The following MCPH1 variants were observed in gnomAD, a reference collection of about 807,000 sequenced individuals.
MCPH1 encodes microcephalin 1.
Under a neutral mutation model 84.5 loss-of-function variants are expected in MCPH1, and 104 were observed. The observed-to-expected ratio is 1.23, with a 90% CI of 1.05 to 1.45. The LOEUF (loss-of-function observed/expected upper bound fraction) is 1.45, where lower values mean the gene tolerates loss of function less well. Ranked by LOEUF, MCPH1 falls within the 40% of genes most tolerant of loss-of-function variation. The pLI, the probability that MCPH1 is intolerant of heterozygous loss-of-function variation, is 0.00. For missense variants in MCPH1, 1,498 were observed against 1,005.7 expected, an observed-to-expected ratio of 1.49 and a Z score of -6.62; for synonymous variants, 514 against 366.8, an observed-to-expected ratio of 1.40 and a Z score of -4.58.
Position 6,646,503 on chromosome 8 carries a change from T to C in MCPH1, c.*3454T>C, listed in dbSNP as rs1224141388. On this transcript the variant is annotated 3_prime_UTR_variant, in exon 14 of 14. Coordinates refer to ENST00000344683, the MANE Select transcript of MCPH1 (RefSeq NM_024596.5). ...ACAAAGGTGACGAGGCAAGTCAGTATAGCAGCATATTCTTTTCAACAAATG... is the reference window on the plus strand; with the variant it reads ...ACAAAGGTGACGAGGCAAGTCAGTACAGCAGCATATTCTTTTCAACAAATG... The C allele has an allele frequency of 6.6e-6, 1 of 152,244 alleles. No homozygotes were observed. The highest frequency in any genetic ancestry group is 1.9e-4 in the East Asian group (1 of 5,204). 9.4% of individuals were successfully genotyped at this position (152,244 alleles called of 1,614,324 possible).
chr8:6,608,425 C>T (rs142439274), intron 12 of MCPH1, among the ~76,000 whole-genome samples: 2 of 152,348 alleles, frequency 1.3e-5, no homozygotes, highest in Non-Finnish European at 2.9e-5. Flanking sequence ...AGACTTGACA[C>T]TGCATTTGCT....
At chr8:6,414,310 G>A (rs1003525117) in intron 2 of MCPH1, among the ~76,000 whole-genome samples, 1 of 152,186 alleles carries the variant, frequency 6.6e-6, no homozygotes, top group Non-Finnish European at 1.5e-5. Flanking sequence ...GCCCAGCCAT[G>A]GATACAGTAT....
At chr8:6,631,587 G>C (rs1432857297) in intron 13 of MCPH1, among the ~76,000 whole-genome samples, 1 of 151,478 alleles carries the variant, frequency 6.6e-6, no homozygotes, top group African/African-American at 2.4e-5. Context: ...TAATCATTAG[G>C]AAGATGCAAA....
At chr8:6,528,553 G>A (rs924455277) in intron 12 of MCPH1, among the ~76,000 whole-genome samples, 2 of 152,194 alleles carry the variant, frequency 1.3e-5, no homozygotes, top group South Asian at 2.1e-4. Flanking sequence ...AATCGAAGCC[G>A]TATAGCGTGA....
chr8:6,484,351 T>C (rs537584121), intron 11 of MCPH1, among the ~76,000 whole-genome samples: 11 of 151,962 alleles, frequency 7.2e-5, no homozygotes, highest in African/African-American at 2.7e-4. Flanking sequence ...TGAGATCCAC[T>C]ACATATCCAT....
At chr8:6,637,374 G>A (rs1416881637) in intron 13 of MCPH1, among the ~76,000 whole-genome samples, 1 of 152,136 alleles carries the variant, frequency 6.6e-6, no homozygotes, top group Non-Finnish European at 1.5e-5. Context: ...AGAGAAGGAT[G>A]GACTCTTGTA....
intron 13 of MCPH1, among the ~76,000 whole-genome samples, chr8:6,635,928 C>T (rs1275333343): frequency 6.6e-6 from 1 of 152,230 alleles, no homozygotes; most frequent in Non-Finnish European, 1.5e-5. Context: ...CCACTGGCTG[C>T]TTAGCTCCCC....
At chr8:6,576,690 T>A (rs1170329883) in intron 12 of MCPH1, among the ~76,000 whole-genome samples, 4 of 36,744 alleles carry the variant, frequency 1.1e-4, no homozygotes, top group African/African-American at 8.7e-4. Flanking sequence ...GTATTTTTTT[T>A]TTTTTTTTTT....
intron 3 of MCPH1, among the ~76,000 whole-genome samples, chr8:6,418,203 G>C (rs1799597947): frequency 6.6e-6 from 1 of 152,080 alleles, no homozygotes; most frequent in Admixed American, 6.6e-5. Flanking sequence ...TCTTCAGCGA[G>C]AAAGGAGGCC....
chr8:6,469,815 A>G (rs1807475654), intron 9 of MCPH1, among the ~76,000 whole-genome samples: 2 of 152,314 alleles, frequency 1.3e-5, no homozygotes, highest in Admixed American at 6.5e-5. Flanking sequence ...ATAATCATGC[A>G]TTCAATACTC....
At chr8:6,476,519 C>G (rs1808481045) in intron 9 of MCPH1, among the ~76,000 whole-genome samples, 1 of 151,810 alleles carries the variant, frequency 6.6e-6, no homozygotes, top group South Asian at 2.1e-4. Context: ...TGTGTACTTC[C>G]TGATGGCATG....
At chr8:6,520,845 G>A (rs1817191167) in intron 12 of MCPH1, among the ~76,000 whole-genome samples, 1 of 152,196 alleles carries the variant, frequency 6.6e-6, no homozygotes, top group Non-Finnish European at 1.5e-5. Flanking sequence ...CCATGGGTCT[G>A]ATATTATTTT....
chr8:6,470,570 C>A (rs891535621), intron 9 of MCPH1, among the ~76,000 whole-genome samples: 2 of 152,346 alleles, frequency 1.3e-5, no homozygotes, highest in East Asian at 1.9e-4. Flanking sequence ...CAGATGTGAG[C>A]CACCATGCCA....
intron 12 of MCPH1, among the ~76,000 whole-genome samples, chr8:6,566,339 G>A (rs1396685502): frequency 6.6e-6 from 1 of 152,120 alleles, no homozygotes; most frequent in Non-Finnish European, 1.5e-5. Context: ...TGTGGTGACC[G>A]TGTGTGGTTG....
chr8:6,422,899 A>G (rs1333521775), intron 3 of MCPH1, among the ~76,000 whole-genome samples: 1 of 151,874 alleles, frequency 6.6e-6, no homozygotes, highest in East Asian at 2.0e-4. Flanking sequence ...TGTGTTAGCC[A>G]GGATGGTCTC....
At position 6,475,753 on chromosome 8, in the gene MCPH1, G is replaced by A. The variant is rs530559540; in HGVS notation, c.1936-1841G>A. On this transcript the variant is annotated intron_variant, in intron 9 of 13. Coordinates refer to ENST00000344683, the MANE Select transcript of MCPH1 (RefSeq NM_024596.5). ...CATTGTCCAAGCAGGTTTCCTGCAGGGAGTTTTAGTTGGTGAGTTTAAAAC... is the reference window on the plus strand; with the variant it reads ...CATTGTCCAAGCAGGTTTCCTGCAGAGAGTTTTAGTTGGTGAGTTTAAAAC... Among the ~76,000 whole-genome samples, 11 of 152,238 alleles carry A rather than the reference G, an allele frequency of 7.2e-5. No homozygotes were observed. The South Asian group carries it at 2.3e-3, about 32-fold the overall frequency.
Position 6,630,589 on chromosome 8 carries a change from C to G in MCPH1, c.2452+8898C>G, listed in dbSNP as rs142482121. On this transcript the variant is annotated intron_variant, in intron 13 of 13. Coordinates refer to ENST00000344683, the MANE Select transcript of MCPH1 (RefSeq NM_024596.5). ...TTGAGGTCAGGAACTAGAGACCAGC[C>G]TGACCAACACGGTGAAACCCTGTCT... Among the ~76,000 whole-genome samples the G allele has an allele frequency of 5.5e-3, 836 of 152,146 alleles. 7 individuals carry two copies. The highest frequency in any genetic ancestry group is 0.018 in the African/African-American group (745 of 41,512).
At chr8:6,473,850 T>C in intron 9 of MCPH1, 1 of 1,453,900 alleles carries the variant, frequency 6.9e-7, no homozygotes, top group South Asian at 1.5e-5. Flanking sequence ...AGTCAAGAGT[T>C]ATAATCTTTG....
At chr8:6,594,676 CCTGCAGGGGACTGCAGGGGA>C (rs11279825) in intron 12 of MCPH1, among the ~76,000 whole-genome samples, 31,342 of 150,750 alleles carry the variant, frequency 0.21, 3,457 homozygotes, top group Non-Finnish European at 0.25. Context: ...TCAGTGTTCT[CCTGCAGGGGACTGCAGGGGA>C]CTGCAGGGGA....
Sources: gnomAD v4.1 joint callset for allele counts (sites outside exome capture counted in the v4.1 genomes callset) on GRCh38, gnomAD v4.1.1 for gene constraint, MANE v1.5 for transcripts, NCBI Gene and HGNC (gene_info 2026-07-23, HGNC 2026-07-21) for gene names.